Variants in SUGCT observed in about 807,000 individuals in gnomAD.
SUGCT encodes succinyl-CoA:glutarate CoA-transferase.
In SUGCT, 41 loss-of-function variants were observed where a neutral mutation model predicts 55.0. The ratio of observed to expected loss-of-function variants is 0.74; its 90% confidence interval spans 0.58 to 0.97. The LOEUF is 0.97. Ranked by LOEUF, SUGCT falls within the 50% of genes least tolerant of loss-of-function variation. The pLI, the probability that SUGCT is intolerant of heterozygous loss-of-function variation, is 0.00. For synonymous variants in SUGCT, 187 were observed against 200.4 expected (o/e 0.93, Z 0.56); for missense variants, 568 against 547.8 (o/e 1.04, Z -0.37).
chr7:40,347,993 A>T (rs749228535), intron 9 of SUGCT, among the ~76,000 whole-genome samples: 9 of 152,202 alleles, frequency 5.9e-5, no homozygotes, highest in Non-Finnish European at 1.3e-4. Context: ...ATCACTTGGT[A>T]CATGTGTTTC....
chr7:40,877,197 A>G, the SUGCT span, among the ~76,000 whole-genome samples: 24 of 152,338 alleles, frequency 1.6e-4, no homozygotes, highest in African/African-American at 4.6e-4. Flanking sequence ...ATAGCTTGTA[A>G]TCAACACATT....
rs144314792 is a variant in SUGCT at position 40,169,593 on chromosome 7, G to C, written c.101-11354G>C. On this transcript the variant is annotated intron_variant, in intron 1 of 13. Transcript: ENST00000335693. ...CATAATAGACATGGACGAAGGGGAG[G>C]CTTATTTCTATTCGGACAATCTTTT... Among the ~76,000 whole-genome samples the C allele has an allele frequency of 1.4e-4, 21 of 152,282 alleles. 1 individual carries two copies. In the East Asian group the frequency reaches 3.7e-3, roughly 27 times the overall value.
intron 13 of SUGCT, among the ~76,000 whole-genome samples, chr7:40,780,257 TCG>T (rs1789667265): frequency 6.6e-6 from 1 of 152,192 alleles, no homozygotes; most frequent in African/African-American, 2.4e-5. Context: ...CTTTTTATAA[TCG>T]TGCTGTTTTC....
intron 12 of SUGCT, among the ~76,000 whole-genome samples, chr7:40,526,339 C>T (rs1270090114): frequency 3.3e-5 from 5 of 152,110 alleles, no homozygotes; most frequent in Non-Finnish European, 4.4e-5. Context: ...TCAGTTAGCC[C>T]TCAATAGCTG....
chr7:40,587,942 G>A (rs551956493), intron 12 of SUGCT, among the ~76,000 whole-genome samples: 11 of 137,616 alleles, frequency 8.0e-5, no homozygotes, highest in African/African-American at 1.9e-4. Context: ...TCACTCTGCC[G>A]CCTAAACTGG....
intron 7 of SUGCT, among the ~76,000 whole-genome samples, chr7:40,269,199 T>G (rs1441272513): frequency 6.6e-6 from 1 of 152,246 alleles, no homozygotes; most frequent in Non-Finnish European, 1.5e-5. Flanking sequence ...TGACAACTAA[T>G]GATGTTGAAT....
At chr7:40,239,020 C>T (rs1209549881) in intron 7 of SUGCT, among the ~76,000 whole-genome samples, 2 of 151,958 alleles carry the variant, frequency 1.3e-5, no homozygotes, top group South Asian at 2.1e-4. Flanking sequence ...ATGGTTTCAC[C>T]GTCTTGACCA....
chr7:40,615,631 G>T (rs1584133124), intron 12 of SUGCT, among the ~76,000 whole-genome samples: 1 of 152,168 alleles, frequency 6.6e-6, no homozygotes, highest in Non-Finnish European at 1.5e-5. Flanking sequence ...GAGAAGTTGG[G>T]CAGAATACAT....
chr7:40,984,319 A>G, the SUGCT span, among the ~76,000 whole-genome samples: 1 of 152,176 alleles, frequency 6.6e-6, no homozygotes, highest in Admixed American at 6.5e-5. Context: ...GCATTGTGCT[A>G]GGTGTTCCTA....
At chr7:40,306,726 A>G (rs958522383) in intron 8 of SUGCT, among the ~76,000 whole-genome samples, 5 of 152,246 alleles carry the variant, frequency 3.3e-5, no homozygotes, top group Non-Finnish European at 7.3e-5. Flanking sequence ...ACACTCTGTC[A>G]TTAAATGTTG....
At chr7:40,279,029 G>GA (rs376079265) in intron 8 of SUGCT, among the ~76,000 whole-genome samples, 5 of 149,836 alleles carry the variant, frequency 3.3e-5, no homozygotes, top group Admixed American at 1.3e-4. Flanking sequence ...AGATGGGGGG[G>GA]TCTGACTGTG....
downstream of SUGCT, among the ~76,000 whole-genome samples, chr7:40,863,634 C>T (rs1463751298): frequency 3.3e-5 from 5 of 152,126 alleles, no homozygotes; most frequent in African/African-American, 4.8e-5. Flanking sequence ...AAATGCACAC[C>T]GTTGCCCTCC....
intron 12 of SUGCT, among the ~76,000 whole-genome samples, chr7:40,552,492 G>A (rs1247569490): frequency 1.3e-5 from 2 of 152,092 alleles, no homozygotes; most frequent in Non-Finnish European, 2.9e-5. Context: ...GGCCTGCGAG[G>A]ACAGCTGGAA....
At chr7:40,217,618 C>A (rs1787750672) in intron 6 of SUGCT, 3 of 287,394 alleles carry the variant, frequency 1.0e-5, no homozygotes, top group South Asian at 8.3e-5. Context: ...TCTACTTTCT[C>A]CTCTGTTGTG....
chr7:40,822,943 C>G (rs1792104401), intron 13 of SUGCT, among the ~76,000 whole-genome samples: 2 of 152,144 alleles, frequency 1.3e-5, no homozygotes, highest in South Asian at 4.2e-4. Flanking sequence ...CTAAATATTC[C>G]GAAGGGATAG....
the SUGCT span, among the ~76,000 whole-genome samples, chr7:40,998,067 C>T: frequency 1.5e-4 from 23 of 152,162 alleles, no homozygotes; most frequent in South Asian, 3.1e-3. Flanking sequence ...GACTTAATTC[C>T]GGAATGATTT....
chr7:40,261,054 T>A (rs1051928130), intron 7 of SUGCT, among the ~76,000 whole-genome samples: 7 of 152,152 alleles, frequency 4.6e-5, no homozygotes, highest in Non-Finnish European at 1.0e-4. Flanking sequence ...GTTGTTATAA[T>A]TGGAGAAGAA....
chr7:40,629,572 T>C (rs1333758260), intron 12 of SUGCT, among the ~76,000 whole-genome samples: 1 of 151,898 alleles, frequency 6.6e-6, no homozygotes, highest in Non-Finnish European at 1.5e-5. Context: ...TTGAAGGCCA[T>C]TATAGAGGGA....
At chr7:40,921,741 CT>C in the SUGCT span, among the ~76,000 whole-genome samples, 6 of 152,168 alleles carry the variant, frequency 3.9e-5, no homozygotes, top group African/African-American at 1.4e-4. Context: ...TAACCTCCTG[CT>C]TTTCGTGGGC....
Sources: gnomAD v4.1 joint callset for allele counts (sites outside exome capture counted in the v4.1 genomes callset) on GRCh38, gnomAD v4.1.1 for gene constraint, MANE v1.5 for transcripts, NCBI Gene and HGNC (gene_info 2026-07-23, HGNC 2026-07-21) for gene names.